Variants in NKAIN2 observed in about 807,000 individuals in gnomAD.
NKAIN2 encodes the protein sodium/potassium transporting ATPase interacting 2, also known as sodium/potassium-transporting ATPase subunit beta-1-interacting protein 2.
In NKAIN2, 14 loss-of-function variants were observed where a neutral mutation model predicts 32.6. The ratio of observed to expected loss-of-function variants is 0.43; its 90% CI spans 0.28 to 0.67. The LOEUF is 0.67. NKAIN2 is among the 30% of genes least tolerant of loss of function. NKAIN2 has a pLI of 0.17. For synonymous variants in NKAIN2, 80 were observed against 87.2 expected (o/e 0.92, Z 0.46); for missense variants, 198 against 258.3 (o/e 0.77, Z 1.60).
chr6:124,605,518 T>A (rs1453346898), intron 3 of NKAIN2, among the ~76,000 whole-genome samples: 1 of 151,934 alleles, frequency 6.6e-6, no homozygotes, highest in Non-Finnish European at 1.5e-5. Flanking sequence ...ACTGAAAAAG[T>A]CAGAGGGGAA....
At chr6:124,362,035 A>G (rs1799311897) in intron 3 of NKAIN2, among the ~76,000 whole-genome samples, 1 of 152,132 alleles carries the variant, frequency 6.6e-6, no homozygotes, top group Non-Finnish European at 1.5e-5. Context: ...TTGAAAAAAT[A>G]ACTCTTCCTC....
At position 123,843,115 on chromosome 6, in the gene NKAIN2, A is replaced by G. The variant is rs572448342; in HGVS notation, c.54+38861A>G. The stretch of plus-strand genomic sequence containing the variant: ...CCCCAGAGGGTGTGTGGTACAAACA[A>G]TTCTCTTTTAGCTTTGCCACTGCAC... On this transcript the variant is annotated intron_variant, in intron 1 of 6. Transcript: ENST00000368417. Among the ~76,000 whole-genome samples, 175 of 152,234 alleles carry G rather than the reference A, an allele frequency of 1.1e-3. 1 individual carries two copies. The highest frequency in any genetic ancestry group is 3.9e-3 in the African/African-American group (163 of 41,548).
rs546711395 is a variant in NKAIN2 at position 124,783,768 on chromosome 6, G to A, written c.475-7571G>A. ...CTTTGCTGAAGCAATCTCAAATTAT[G>A]TAGATGGAATAAGATGAAAAAGAGC... is the stretch of plus-strand genomic sequence containing the variant. On this transcript the variant is annotated intron_variant, in intron 4 of 6. Coordinates refer to ENST00000368417, the MANE Select transcript of NKAIN2 (RefSeq NM_001040214.3). Among the ~76,000 whole-genome samples, 7 of 152,288 alleles carry A rather than the reference G, an allele frequency of 4.6e-5. No individual in the cohort carries two copies. The East Asian group carries it at 1.4e-3, about 29-fold the overall frequency.
At chr6:124,557,032 T>C (rs888886352) in intron 3 of NKAIN2, among the ~76,000 whole-genome samples, 6 of 152,228 alleles carry the variant, frequency 3.9e-5, no homozygotes, top group African/African-American at 1.4e-4. Flanking sequence ...TAGTTAATAA[T>C]AAGCTTTGAT....
At chr6:124,613,854 C>G (rs1408365331) in intron 3 of NKAIN2, among the ~76,000 whole-genome samples, 1 of 152,044 alleles carries the variant, frequency 6.6e-6, no homozygotes, top group Non-Finnish European at 1.5e-5. Flanking sequence ...TGCTTAGTAC[C>G]CTGCCTGAAA....
At position 124,028,737 on chromosome 6, in the gene NKAIN2, G is replaced by A. The variant is rs138036074; in HGVS notation, c.54+224483G>A. Among the ~76,000 whole-genome samples the A allele has an allele frequency of 1.0e-3, 148 of 142,420 alleles. 3 individuals carry two copies. In the East Asian group the frequency reaches 0.026, roughly 25 times the overall value. The allele number at this position is 142,420 out of a possible 152,430, so 93.4% of individuals were successfully genotyped here. A position where few individuals can be genotyped will look rare whatever the true frequency, so the allele number is the denominator to read the frequency against. ...TATACGTGTATATACGTGTATACAC[G>A]TATATATGTGTATATATACAAGTAT... On this transcript the variant is annotated intron_variant, in intron 1 of 6. Transcript: ENST00000368417.
chr6:123,804,071 C>G lies in NKAIN2; in HGVS notation c.-130C>G. On this transcript the variant is annotated 5_prime_UTR_variant, in exon 1 of 7. Transcript: ENST00000368417. ...CTGTCACTTCCCAGGACGCTGGCAG[C>G]AGCAGCAGCCCGGAGCCCCCGAGCC... The G allele has an allele frequency of 1.2e-6, 1 of 853,502 alleles. No homozygotes were observed. Among genetic ancestry groups the G allele is most frequent in the African/African-American group, 1.7e-5 (1 of 60,476 alleles). The allele number at this position is 853,502 out of a possible 1,614,324, so 52.9% of individuals were successfully genotyped here. A position where few individuals can be genotyped will look rare whatever the true frequency, so the allele number is the denominator to read the frequency against.
intron 1 of NKAIN2, among the ~76,000 whole-genome samples, chr6:124,138,785 TTGGA>T (rs1356958920): frequency 2.7e-5 from 4 of 148,724 alleles, no homozygotes; most frequent in African/African-American, 7.4e-5. Flanking sequence ...TTGCAGCAAC[TTGGA>T]TGGAGTTAGA....
chr6:124,667,226 A>C (rs1232573669), intron 4 of NKAIN2, among the ~76,000 whole-genome samples: 2 of 152,176 alleles, frequency 1.3e-5, no homozygotes, highest in Non-Finnish European at 2.9e-5. Flanking sequence ...TGGAAACATC[A>C]GGGAATAAAA....
chr6:124,511,921 G>T (rs1309834050), intron 3 of NKAIN2, among the ~76,000 whole-genome samples: 1 of 152,064 alleles, frequency 6.6e-6, no homozygotes, highest in African/African-American at 2.4e-5. Context: ...CCCTCAAAAG[G>T]CCTCACCACT....
intron 3 of NKAIN2, among the ~76,000 whole-genome samples, chr6:124,623,248 T>C (rs1783177371): frequency 6.6e-6 from 1 of 152,074 alleles, no homozygotes; most frequent in Non-Finnish European, 1.5e-5. Context: ...ATATTTTAAG[T>C]GATATCATTC....
At chr6:124,292,227 G>A (rs750414788) in intron 2 of NKAIN2, among the ~76,000 whole-genome samples, 62 of 152,024 alleles carry the variant, frequency 4.1e-4, no homozygotes, top group Non-Finnish European at 1.0e-4. Flanking sequence ...TCTTACCCAA[G>A]TCTCCAGAGC....
chr6:124,514,413 G>A (rs550951055), intron 3 of NKAIN2, among the ~76,000 whole-genome samples: 3 of 152,192 alleles, frequency 2.0e-5, no homozygotes, highest in South Asian at 2.1e-4. Flanking sequence ...TGACTCTTTC[G>A]TTTACAATTA....
intron 2 of NKAIN2, among the ~76,000 whole-genome samples, chr6:124,324,578 G>A (rs1202324522): frequency 1.3e-5 from 2 of 151,928 alleles, no homozygotes; most frequent in Non-Finnish European, 2.9e-5. Flanking sequence ...TTGCATGATT[G>A]TGCTGGCTAG....
intron 1 of NKAIN2, among the ~76,000 whole-genome samples, chr6:123,880,204 G>T (rs1235736981): frequency 6.6e-6 from 1 of 152,210 alleles, no homozygotes; most frequent in Non-Finnish European, 1.5e-5. Context: ...AAGCAGGAAA[G>T]TAGGGATCCC....
chr6:124,581,833 C>T (rs1464644899), intron 3 of NKAIN2, among the ~76,000 whole-genome samples: 1 of 152,056 alleles, frequency 6.6e-6, no homozygotes, highest in Non-Finnish European at 1.5e-5. Flanking sequence ...CACAACACAC[C>T]AAAACCTGTA....
intron 2 of NKAIN2, among the ~76,000 whole-genome samples, chr6:124,284,818 A>G (rs1316411941): frequency 6.6e-6 from 1 of 152,060 alleles, no homozygotes; most frequent in Non-Finnish European, 1.5e-5. Flanking sequence ...TAACATAGCA[A>G]TAGGCTGAAA....
chr6:123,862,145 A>T (rs935457554), intron 1 of NKAIN2, among the ~76,000 whole-genome samples: 2 of 152,096 alleles, frequency 1.3e-5, no homozygotes, highest in African/African-American at 4.8e-5. Context: ...CTGTTTCTTC[A>T]TGTATAAAAT....
chr6:124,552,182 G>A (rs1435795180), intron 3 of NKAIN2, among the ~76,000 whole-genome samples: 2 of 152,180 alleles, frequency 1.3e-5, no homozygotes, highest in Non-Finnish European at 2.9e-5. Context: ...GATACTATGA[G>A]TATCATCCTC....
Sources: gnomAD v4.1 joint callset for allele counts (sites outside exome capture counted in the v4.1 genomes callset) on GRCh38, gnomAD v4.1.1 for gene constraint, MANE v1.5 for transcripts, NCBI Gene and HGNC (gene_info 2026-07-23, HGNC 2026-07-21) for gene names.